Variants in CDS1 observed in about 807,000 individuals in gnomAD.
The protein encoded by CDS1 is CDP-diacylglycerol synthase 1.
In CDS1, 41 loss-of-function variants were observed where a neutral mutation model predicts 62.1. The observed-to-expected ratio is 0.66, with a 90% CI of 0.51 to 0.86. CDS1 has a LOEUF of 0.86. Ranked by LOEUF, CDS1 falls within the 40% of genes least tolerant of loss-of-function variation. The pLI is 0.00. For missense variants in CDS1, 470 were observed against 550.1 expected (o/e 0.85, Z 1.46); for synonymous variants, 185 against 192.6 (o/e 0.96, Z 0.32).
chr4:84,589,903 C>T (rs531035598), intron 1 of CDS1, among the ~76,000 whole-genome samples: 5 of 152,272 alleles, frequency 3.3e-5, no homozygotes, highest in South Asian at 2.1e-4. Flanking sequence ...CTCTGCCTCC[C>T]GGGTTCACGC....
intron 5 of CDS1, among the ~76,000 whole-genome samples, chr4:84,620,965 C>T (rs374093146): frequency 2.6e-5 from 4 of 152,210 alleles, no homozygotes; most frequent in South Asian, 2.1e-4. Flanking sequence ...GAGGTTGAGG[C>T]GGGAGAATCG....
chr4:84,634,538 T>C (rs557693404), intron 7 of CDS1, among the ~76,000 whole-genome samples: 234 of 152,230 alleles, frequency 1.5e-3, no homozygotes, highest in African/African-American at 5.4e-3. Flanking sequence ...ACTGTATTTT[T>C]CCCCCACTCA....
At chr4:84,629,289 A>C (rs1193927029) in intron 5 of CDS1, among the ~76,000 whole-genome samples, 1 of 151,416 alleles carries the variant, frequency 6.6e-6, no homozygotes, top group Non-Finnish European at 1.5e-5. Context: ...AATAATACAC[A>C]GTTGGCCCTC....
chr4:84,615,397 ACTC>A (rs1578034113), intron 3 of CDS1, among the ~76,000 whole-genome samples: 2 of 151,696 alleles, frequency 1.3e-5, no homozygotes, highest in East Asian at 3.9e-4. Context: ...TGTTGCTTCA[ACTC>A]CTCGGTGCAC....
chr4:84,586,006 C>G (rs1025690848), intron 1 of CDS1, among the ~76,000 whole-genome samples: 16 of 152,112 alleles, frequency 1.1e-4, no homozygotes, highest in Non-Finnish European at 2.1e-4. Context: ...TGAAAAGATT[C>G]CTGGGACTCA....
intron 5 of CDS1, among the ~76,000 whole-genome samples, chr4:84,629,748 A>G (rs150991929): frequency 5.3e-4 from 80 of 152,328 alleles, no homozygotes; most frequent in African/African-American, 1.7e-3. Context: ...ATTGTATCCC[A>G]TAGGTGAAAT....
chr4:84,610,400 A>C (rs1289098880), intron 3 of CDS1, among the ~76,000 whole-genome samples: 1 of 152,204 alleles, frequency 6.6e-6, no homozygotes, highest in Admixed American at 6.5e-5. Flanking sequence ...CTGGAGAGGC[A>C]AGGAAAAACC....
chr4:84,583,515 C>A lies in CDS1; in HGVS notation c.114C>A (p.Asp38Glu). The A allele has an allele frequency of 6.6e-7, 1 of 1,519,036 alleles. No individual in the cohort carries two copies. The highest frequency in any genetic ancestry group is 2.1e-5 in the Admixed American group (1 of 47,304). The allele number at this position is 1,519,036 out of a possible 1,614,324, so 94.1% of individuals were successfully genotyped here. Residue 38 changes from aspartate to glutamate, a missense_variant, in exon 1 of 13, where the codon GAC (aspartate) becomes GAA (glutamate). Transcript: ENST00000295887. ...GGDHETESTSDKETDIDDRYG... is the reference protein window; with the variant it reads ...GGDHETESTSEKETDIDDRYG... ...ACCACGAAACCGAGAGCACCAGCGA[C>A]AAAGTAAGTGGAGCCGAGAGAGGCG...
intron 5 of CDS1, among the ~76,000 whole-genome samples, chr4:84,625,557 G>A (rs373561901): frequency 2.0e-5 from 3 of 152,082 alleles, no homozygotes; most frequent in Admixed American, 1.3e-4. Flanking sequence ...CATTCCAGGC[G>A]GAGGAACAGC....
chr4:84,591,143 T>C (rs997529230), intron 1 of CDS1, among the ~76,000 whole-genome samples: 19 of 152,244 alleles, frequency 1.2e-4, no homozygotes, highest in Non-Finnish European at 2.1e-4. Flanking sequence ...AAAATTAAGA[T>C]ATATACACAT....
intron 8 of CDS1, among the ~76,000 whole-genome samples, chr4:84,637,392 A>G (rs1464830897): frequency 6.6e-6 from 1 of 152,144 alleles, no homozygotes; most frequent in African/African-American, 2.4e-5. Flanking sequence ...GCCTCAGGAA[A>G]CTTATGATCT....
At position 84,583,303 on chromosome 4, in the gene CDS1, C is replaced by T; in HGVS notation, c.-99C>T. On this transcript the variant is annotated 5_prime_UTR_variant, in exon 1 of 13. Coordinates refer to ENST00000295887, the MANE Select transcript of CDS1 (RefSeq NM_001263.4). ...TGCGGCTCCGCGGGACTCCAGGGCG[C>T]GGCTGCGAGGTGGCGGGGCGCCCCG... 3.7e-6 allele frequency: 3 copies of T among 821,416 alleles called. No homozygotes were observed. Among genetic ancestry groups the T allele is most frequent in the African/African-American group, 1.8e-5 (1 of 55,646 alleles). The allele number at this position is 821,416 out of a possible 1,614,324, so 50.9% of individuals were successfully genotyped here.
At chr4:84,586,623 C>T (rs771395287) in intron 1 of CDS1, among the ~76,000 whole-genome samples, 33 of 152,158 alleles carry the variant, frequency 2.2e-4, no homozygotes, top group Admixed American at 5.9e-4. Context: ...GCTCTGCAGC[C>T]GGGTTCCCAA....
chr4:84,651,290 T>C lies in CDS1; in HGVS notation c.*2604T>C, dbSNP rs1394166509. ...TGTGTGTCAATCAGTTCTCTGAATC[T>C]TTTACTGAAACTGAGACAGGAAAAT... is the stretch of plus-strand genomic sequence containing the variant. On this transcript the variant is annotated 3_prime_UTR_variant, in exon 13 of 13. Transcript: ENST00000295887. 1 of 152,240 alleles carries C rather than the reference T, an allele frequency of 6.6e-6. No individual in the cohort carries two copies. The highest frequency in any genetic ancestry group is 2.4e-5 in the African/African-American group (1 of 41,458). The allele number at this position is 152,240 out of a possible 1,614,324, so 9.4% of individuals were successfully genotyped here.
At chr4:84,615,226 G>C (rs1434759631) in intron 3 of CDS1, among the ~76,000 whole-genome samples, 1 of 151,856 alleles carries the variant, frequency 6.6e-6, no homozygotes, top group African/African-American at 2.4e-5. Flanking sequence ...ACCATGTCTA[G>C]TCAGTTCTAC....
At chr4:84,611,285 C>T (rs370060934) in intron 3 of CDS1, among the ~76,000 whole-genome samples, 19 of 152,220 alleles carry the variant, frequency 1.2e-4, no homozygotes, top group African/African-American at 3.9e-4. Flanking sequence ...GCCTGCCCTC[C>T]GGGGTGCCCT....
At chr4:84,589,775 T>C (rs1254074344) in intron 1 of CDS1, among the ~76,000 whole-genome samples, 1 of 152,122 alleles carries the variant, frequency 6.6e-6, no homozygotes, top group Non-Finnish European at 1.5e-5. Flanking sequence ...TTGTAACGTA[T>C]TTGAGAATTG....
At chr4:84,587,371 T>G (rs1200145508) in intron 1 of CDS1, among the ~76,000 whole-genome samples, 1 of 152,156 alleles carries the variant, frequency 6.6e-6, no homozygotes, top group African/African-American at 2.4e-5. Context: ...AAATGACAGT[T>G]CAGATGTGTT....
At chr4:84,599,079 A>C (rs1722840130) in intron 1 of CDS1, among the ~76,000 whole-genome samples, 1 of 152,094 alleles carries the variant, frequency 6.6e-6, no homozygotes, top group Non-Finnish European at 1.5e-5. Flanking sequence ...AAACAACAGG[A>C]ATTGATTTCT....
Sources: allele counts gnomAD v4.1 joint callset (sites outside exome capture counted in the v4.1 genomes callset), GRCh38; gene constraint gnomAD v4.1.1; transcripts MANE v1.5; gene names NCBI Gene and HGNC (gene_info 2026-07-23, HGNC 2026-07-21).